Variants in PPFIBP1 observed in about 807,000 individuals in gnomAD.
The protein encoded by PPFIBP1 is PPFIB scaffold protein 1.
A neutral mutation model predicts 137.8 loss-of-function variants in PPFIBP1; 112 were observed. The ratio of observed to expected loss-of-function variants is 0.81; its 90% CI spans 0.70 to 0.95. The LOEUF (loss-of-function observed/expected upper bound fraction) is 0.95. PPFIBP1 is among the 40% of genes least tolerant of loss of function. The pLI is 0.00. For missense variants in PPFIBP1, 1,083 were observed against 1,196.6 expected (o/e 0.91, Z 1.40); for synonymous variants, 378 against 417.3 (o/e 0.91, Z 1.15).
chr12:27,567,239 A>C (rs1043179103), intron 1 of PPFIBP1, among the ~76,000 whole-genome samples: 1 of 152,268 alleles, frequency 6.6e-6, no homozygotes, highest in African/African-American at 2.4e-5. Flanking sequence ...AGGAAAAAGA[A>C]AAAAGATGAA....
chr12:27,570,977 C>T (rs1592543473), intron 1 of PPFIBP1, among the ~76,000 whole-genome samples: 1 of 152,072 alleles, frequency 6.6e-6, no homozygotes, highest in South Asian at 2.1e-4. Context: ...TTCATCTCCC[C>T]TCCCACATCT....
chr12:27,620,708 A>G (rs770499040), intron 2 of PPFIBP1, among the ~76,000 whole-genome samples: 124 of 115,574 alleles, frequency 1.1e-3, no homozygotes, highest in Admixed American at 2.0e-3. Context: ...GATCACCAAT[A>G]AAGTGGGGAT....
Position 27,670,834 on chromosome 12 carries a change from C to T in PPFIBP1, c.1147-597C>T, listed in dbSNP as rs948921041. ...TAATAATAGAGTGTTGAAAGCAAAA[C>T]GTGTTACCCAAATCTTACAATAAAT... On this transcript the variant is annotated intron_variant, in intron 13 of 29. Coordinates refer to ENST00000228425, the MANE Select transcript of PPFIBP1 (RefSeq NM_003622.4). 5.6e-5 allele frequency among the ~76,000 whole-genome samples: 7 copies of T among 124,548 alleles called. No individual in the cohort carries two copies. The South Asian group carries it at 7.9e-4, about 14-fold the overall frequency. The allele number at this position is 124,548 out of a possible 152,430, so 81.7% of individuals were successfully genotyped here. A position where few individuals can be genotyped will look rare whatever the true frequency, so the allele number is the denominator to read the frequency against.
At chr12:27,658,636 C>T (rs2059358711) in intron 9 of PPFIBP1, among the ~76,000 whole-genome samples, 180 bp from the exon 10 acceptor site, 1 of 152,154 alleles carries the variant, frequency 6.6e-6, no homozygotes, top group South Asian at 2.1e-4. Flanking sequence ...CTCTTTCTAA[C>T]CTCACATAGA....
At position 27,531,871 on chromosome 12, in the gene PPFIBP1, G is replaced by C. The variant is rs74462643; in HGVS notation, c.-124+7506G>C. 1.2e-4 allele frequency among the ~76,000 whole-genome samples: 18 copies of C among 152,154 alleles called. No individual in the cohort carries two copies. The East Asian group carries it at 3.5e-3, about 29-fold the overall frequency. On this transcript the variant is annotated intron_variant, in intron 1 of 29. Coordinates refer to ENST00000228425, the MANE Select transcript of PPFIBP1 (RefSeq NM_003622.4). ...GGAACTCTTCTGTTTTCCAGCTTTGGTTTATAAGGATGTCCTTATAAAAAT... is the reference window on the plus strand; with the variant it reads ...GGAACTCTTCTGTTTTCCAGCTTTGCTTTATAAGGATGTCCTTATAAAAAT...
chr12:27,662,126 T>C (rs779359049), intron 11 of PPFIBP1, among the ~76,000 whole-genome samples: 1 of 152,110 alleles, frequency 6.6e-6, no homozygotes, highest in Admixed American at 6.5e-5. Flanking sequence ...TCAGAAGACT[T>C]CAAAGAGGAC....
At chr12:27,687,922 AAATAAT>A (rs1476632495) in intron 25 of PPFIBP1, among the ~76,000 whole-genome samples, 1 of 152,092 alleles carries the variant, frequency 6.6e-6, no homozygotes, top group Non-Finnish European at 1.5e-5. Context: ...GTCTCTACAA[AAATAAT>A]AATAAATTAG....
At chr12:27,579,857 C>G (rs1447052085) in intron 2 of PPFIBP1, among the ~76,000 whole-genome samples, 1 of 152,156 alleles carries the variant, frequency 6.6e-6, no homozygotes, top group East Asian at 1.9e-4. Flanking sequence ...TCAACAGGAA[C>G]AGATGAAGAT....
intron 26 of PPFIBP1, 23 bp from the exon 27 acceptor site, chr12:27,688,992 C>CTTTTT: frequency 7.4e-7 from 1 of 1,353,186 alleles, no homozygotes; most frequent in Non-Finnish European, 1.0e-6. Context: ...TTTTGACAAG[C>CTTTTT]TTTTTTTTTT....
chr12:27,598,431 A>G (rs920181690), intron 2 of PPFIBP1, among the ~76,000 whole-genome samples: 17 of 152,136 alleles, frequency 1.1e-4, no homozygotes, highest in Non-Finnish European at 2.2e-4. Context: ...CCATGATTCA[A>G]TTACCTCCGA....
At chr12:27,587,076 C>G (rs1243718552) in intron 2 of PPFIBP1, among the ~76,000 whole-genome samples, 1 of 152,084 alleles carries the variant, frequency 6.6e-6, no homozygotes, top group African/African-American at 2.4e-5. Flanking sequence ...TGTAAAAATA[C>G]CTAGATGCTA....
chr12:27,644,999 A>T (rs2139418575), intron 4 of PPFIBP1, among the ~76,000 whole-genome samples: 1 of 152,298 alleles, frequency 6.6e-6, no homozygotes, highest in East Asian at 1.9e-4. Context: ...GAAAGATAGA[A>T]CAATGGTATC....
chr12:27,542,268 G>C (rs974344562), intron 1 of PPFIBP1, among the ~76,000 whole-genome samples: 5 of 152,202 alleles, frequency 3.3e-5, no homozygotes, highest in African/African-American at 1.2e-4. Context: ...ATGATTTAAA[G>C]TATATGAGAG....
intron 1 of PPFIBP1, among the ~76,000 whole-genome samples, chr12:27,559,068 A>C (rs1202457140): frequency 6.6e-6 from 1 of 151,820 alleles, no homozygotes; most frequent in Non-Finnish European, 1.5e-5. Context: ...GCCTCACTCT[A>C]TTGCCCCCAG....
At chr12:27,688,215 T>A (rs2061314934) in intron 25 of PPFIBP1, 83 bp from the exon 26 acceptor site, 4 of 1,433,418 alleles carry the variant, frequency 2.8e-6, no homozygotes, top group African/African-American at 1.4e-5. Context: ...AGTGGGTTGT[T>A]GAGTAACTGT....
At position 27,650,116 on chromosome 12, in the gene PPFIBP1, A is replaced by T; in HGVS notation, c.578A>T (p.Tyr193Phe). The T allele has an allele frequency of 6.2e-7, 1 of 1,608,308 alleles. No individual in the cohort carries two copies. The highest frequency in any genetic ancestry group is 1.1e-5 in the South Asian group (1 of 90,884). Residue 193 changes from tyrosine to phenylalanine, a missense_variant, in exon 7 of 30, where the codon TAT (tyrosine) becomes TTT (phenylalanine). By Grantham distance (22) the Tyr-to-Phe change is conservative (BLOSUM62 3). Coordinates refer to ENST00000228425, the MANE Select transcript of PPFIBP1 (RefSeq NM_003622.4). ...LTAVEKDRLD[Y>F]EDKFRDTEGL... ...GCTGTAGAGAAGGACAGATTGGATT[A>T]TGAAGATAAGTTCAGAGACACAGAG...
intron 2 of PPFIBP1, chr12:27,594,174 ATTTTTT>A (rs35066032): frequency 9.3e-5 from 13 of 139,772 alleles, no homozygotes; most frequent in South Asian, 2.5e-4. Flanking sequence ...CCCCTTTTCT[ATTTTTT>A]TTTTTTTTTT....
At chr12:27,677,242 C>T in intron 19 of PPFIBP1, 146 bp downstream of exon 19, 1 of 1,011,940 alleles carries the variant, frequency 9.9e-7, no homozygotes, top group East Asian at 2.5e-5. Context: ...TTTCCACCTT[C>T]TGCTAAAAAG....
At chr12:27,661,079 A>ACACCTGCCCCT in intron 11 of PPFIBP1, 134 bp downstream of exon 11, 1 of 1,338,604 alleles carries the variant, frequency 7.5e-7, no homozygotes, top group Non-Finnish European at 1.0e-6. Context: ...GCAGGTGTGC[A>ACACCTGCCCCT]CACTCCCAGG....
Sources: allele counts gnomAD v4.1 joint callset (sites outside exome capture counted in the v4.1 genomes callset), GRCh38; gene constraint gnomAD v4.1.1; transcripts MANE v1.5; gene names NCBI Gene and HGNC (gene_info 2026-07-23, HGNC 2026-07-21).